CCND2: variants seen among roughly 807,000 people sequenced by gnomAD.
The protein encoded by CCND2 is G1/S-specific cyclin-D2.
In CCND2, 6 loss-of-function variants were observed where a neutral mutation model predicts 30.2. The observed-to-expected ratio is 0.20, with a 90% CI of 0.11 to 0.39. The LOEUF (loss-of-function observed/expected upper bound fraction) is 0.39. Among genes scored for constraint, CCND2 ranks in the 10% least tolerant of loss-of-function variants. The pLI, the probability that CCND2 is intolerant of heterozygous loss-of-function variation, is 1.00. For synonymous variants in CCND2, 150 were observed against 153.1 expected, an observed-to-expected ratio of 0.98 and a Z score of 0.15; for missense variants, 235 against 373.4, an observed-to-expected ratio of 0.63 and a Z score of 3.06.
Position 4,282,214 on chromosome 12 carries a change from C to T in CCND2, c.571+3295C>T, listed in dbSNP as rs938326402. 2.6e-5 allele frequency among the ~76,000 whole-genome samples: 4 copies of T among 152,140 alleles called. No homozygotes were observed. The highest frequency in any genetic ancestry group is 5.9e-5 in the Non-Finnish European group (4 of 68,018). On this transcript the variant is annotated intron_variant, in intron 3 of 4. Coordinates refer to ENST00000261254, the MANE Select transcript of CCND2 (RefSeq NM_001759.4). This position sits in a 1 kb window ranked among gnomAD's most constrained non-coding sequence, Gnocchi z 4.3. ...AGCAGAGCCAATGGCATTGAGTTTA[C>T]ACCTGGCACCGGGTAGGGGGAGGTG...
intron 3 of CCND2, among the ~76,000 whole-genome samples, chr12:4,283,831 A>G (rs1036987686): frequency 6.6e-6 from 1 of 152,168 alleles, no homozygotes; most frequent in Non-Finnish European, 1.5e-5. Flanking sequence ...AGAGTTGCCA[A>G]CTTCTCTCTT....
At position 4,302,823 on chromosome 12, in the gene CCND2, A is replaced by G. The variant is rs1864269646; in HGVS notation, c.*2814A>G. 8.6e-6 allele frequency: 2 copies of G among 233,332 alleles called. No individual in the cohort carries two copies. Among genetic ancestry groups the G allele is most frequent in the African/African-American group, 4.4e-5 (2 of 45,484 alleles). The allele number at this position is 233,332 out of a possible 1,614,324, so 14.5% of individuals were successfully genotyped here. On this transcript the variant is annotated 3_prime_UTR_variant, in exon 5 of 5. Transcript: ENST00000261254. ...AGGGTTCAGGACTTTGTGAGTTAGCATGACCCTAAAATTCTAGGGGATTTC... is the reference window on the plus strand; with the variant it reads ...AGGGTTCAGGACTTTGTGAGTTAGCGTGACCCTAAAATTCTAGGGGATTTC...
At chr12:4,278,979 G>A (rs1364241417) in intron 3 of CCND2, 60 bp downstream of exon 3, 6 of 1,544,184 alleles carry the variant, frequency 3.9e-6, no homozygotes, top group Non-Finnish European at 4.4e-6. Context: ...GATGTCCGGG[G>A]AGAGGCAAAA....
At chr12:4,294,837 G>A (rs1218616413) in intron 4 of CCND2, among the ~76,000 whole-genome samples, 2 of 152,214 alleles carry the variant, frequency 1.3e-5, no homozygotes, top group Non-Finnish European at 2.9e-5. Flanking sequence ...CCCTTTGGAA[G>A]CACTAACTCC....
intron 3 of CCND2, among the ~76,000 whole-genome samples, chr12:4,284,049 C>T (rs1863988481): frequency 6.6e-6 from 1 of 152,186 alleles, no homozygotes; most frequent in Non-Finnish European, 1.5e-5. Context: ...TGCCTGCAAT[C>T]CAGGGATGCT....
rs1010007973 is a variant in CCND2, at chr12:4,302,953, A to G, written c.*2944A>G. The G allele has an allele frequency of 2.1e-5, 5 of 233,046 alleles. No homozygotes were observed. The highest frequency in any genetic ancestry group is 4.2e-5 in the Non-Finnish European group (5 of 118,062). The allele number at this position is 233,046 out of a possible 1,614,324, so 14.4% of individuals were successfully genotyped here. The stretch of plus-strand genomic sequence containing the variant: ...CTCAAGAGCCAGCTTTGCTCAGCAC[A>G]CTCTCCTGGGCCCCAAGGAGTCCCA... On this transcript the variant is annotated 3_prime_UTR_variant, in exon 5 of 5. Coordinates refer to ENST00000261254, the MANE Select transcript of CCND2 (RefSeq NM_001759.4).
rs1409953807 is a variant in CCND2, at chr12:4,303,040, A to C, written c.*3031A>C. 2.6e-5 allele frequency: 6 copies of C among 233,214 alleles called. No individual in the cohort carries two copies. Among genetic ancestry groups the C allele is most frequent in the African/African-American group, 1.1e-4 (5 of 45,346 alleles). The allele number at this position is 233,214 out of a possible 1,614,324, so 14.4% of individuals were successfully genotyped here. A position where few individuals can be genotyped will look rare whatever the true frequency, so the allele number is the denominator to read the frequency against. On this transcript the variant is annotated 3_prime_UTR_variant, in exon 5 of 5. Transcript: ENST00000261254. The surrounding 1 kb of genome is among the most constrained non-coding windows in gnomAD (Gnocchi z 4.6). ...AATCTTGGAGCCTAAAGAGAAACCG[A>C]GGTGCAAATTCATTTCATGGTGACT...
chr12:4,285,301 C>A lies in CCND2; in HGVS notation c.572-3541C>A, dbSNP rs759805689. 5.1e-6 allele frequency: 5 copies of A among 985,320 alleles called. No homozygotes were observed. The highest frequency in any genetic ancestry group is 6.0e-6 in the Non-Finnish European group (5 of 829,956). 61.0% of individuals were successfully genotyped at this position (985,320 alleles called of 1,614,324 possible). On this transcript the variant is annotated intron_variant, in intron 3 of 4. Transcript: ENST00000261254. The surrounding 1 kb of genome is among the most constrained non-coding windows in gnomAD (Gnocchi z 4.1). ...AGGAAGGATCTCAGGAAGTCACCAG[C>A]ATCTCACCTCTCCAGGTGGGCAATT...
chr12:4,291,056 T>C (rs1389010373), intron 4 of CCND2, among the ~76,000 whole-genome samples: 2 of 151,952 alleles, frequency 1.3e-5, no homozygotes, highest in Non-Finnish European at 2.9e-5. Context: ...AAACCAAGAG[T>C]GAACGCGGTG....
At chr12:4,275,658 C>A (rs1773065419) in intron 1 of CCND2, among the ~76,000 whole-genome samples, 1 of 151,538 alleles carries the variant, frequency 6.6e-6, no homozygotes, top group Non-Finnish European at 1.5e-5. Context: ...ATGACGAAAT[C>A]CAAAAAAGAG....
intron 4 of CCND2, among the ~76,000 whole-genome samples, chr12:4,292,891 C>T (rs556326617): frequency 6.6e-6 from 1 of 152,246 alleles, no homozygotes; most frequent in Admixed American, 6.5e-5. Flanking sequence ...ATCCCCTCTG[C>T]ACACTAGTCG....
At position 4,287,758 on chromosome 12, in the gene CCND2, T is replaced by C. The variant is rs1864043550; in HGVS notation, c.572-1084T>C. Among the ~76,000 whole-genome samples, 1 of 152,220 alleles carries C rather than the reference T, an allele frequency of 6.6e-6. No individual in the cohort carries two copies. Among genetic ancestry groups the C allele is most frequent in the Non-Finnish European group, 1.5e-5 (1 of 68,040 alleles). On this transcript the variant is annotated intron_variant, in intron 3 of 4. Coordinates refer to ENST00000261254, the MANE Select transcript of CCND2 (RefSeq NM_001759.4). The surrounding 1 kb of genome is among the most constrained non-coding windows in gnomAD (Gnocchi z 4.0). ...GTAGCGTACTGCATGTGGTGGTCAT[T>C]GGTAGCTGTCAGCAGCTGTAACAGG... is the stretch of plus-strand genomic sequence containing the variant.
chr12:4,277,670 A>G (rs947323798), intron 2 of CCND2, among the ~76,000 whole-genome samples: 1 of 152,124 alleles, frequency 6.6e-6, no homozygotes, highest in Non-Finnish European at 1.5e-5. Flanking sequence ...TACAAATGAG[A>G]AGGCTGAGGC....
Position 4,281,195 on chromosome 12 carries a change from C to T in CCND2, c.571+2276C>T, listed in dbSNP as rs532555587. On this transcript the variant is annotated intron_variant, in intron 3 of 4. Coordinates refer to ENST00000261254, the MANE Select transcript of CCND2 (RefSeq NM_001759.4). Reference sequence around the variant, plus strand: ...ACAGGGCAGAGCACAGGTAGGTCCTCGGCAGTTTCCTGGGTCTGGAAAGGA... The same window carrying T: ...ACAGGGCAGAGCACAGGTAGGTCCTTGGCAGTTTCCTGGGTCTGGAAAGGA... 2.6e-5 allele frequency among the ~76,000 whole-genome samples: 4 copies of T among 152,310 alleles called. No individual in the cohort carries two copies. In the East Asian group the frequency reaches 5.8e-4, roughly 22 times the overall value.
At position 4,279,723 on chromosome 12, in the gene CCND2, GT is replaced by G. The variant is rs74894572; in HGVS notation, c.571+815del. 2.0e-4 allele frequency among the ~76,000 whole-genome samples: 29 copies of G among 144,500 alleles called. 1 individual carries two copies. Among genetic ancestry groups the G allele is most frequent in the Non-Finnish European group, 3.4e-4 (22 of 65,624 alleles). 94.8% of individuals were successfully genotyped at this position (144,500 alleles called of 152,430 possible). On this transcript the variant is annotated intron_variant, in intron 3 of 4. Transcript: ENST00000261254. ...CTTGGCCAGTGTCTACTGGTTTTTT[GT>G]TTTTTTTTTTCTTGGTAGTGGCCAT...
chr12:4,298,892 G>C (rs1864210060), intron 4 of CCND2, among the ~76,000 whole-genome samples: 1 of 152,132 alleles, frequency 6.6e-6, no homozygotes, highest in Admixed American at 6.5e-5. Flanking sequence ...GCCTGGGGCA[G>C]ACACACTGTC....
At position 4,282,166 on chromosome 12, in the gene CCND2, C is replaced by T. The variant is rs3217824; in HGVS notation, c.571+3247C>T. Among the ~76,000 whole-genome samples the T allele has an allele frequency of 0.013, 1,942 of 152,218 alleles. 60 individuals are homozygous for T. Among genetic ancestry groups the T allele is most frequent in the African/African-American group, 0.045 (1,862 of 41,500 alleles). On this transcript the variant is annotated intron_variant, in intron 3 of 4. Coordinates refer to ENST00000261254, the MANE Select transcript of CCND2 (RefSeq NM_001759.4). The surrounding 1 kb of genome is among the most constrained non-coding windows in gnomAD (Gnocchi z 4.3). ...GATTGTTGAGATGTGATACCATGCT[C>T]GGTGGATGATTCCAGTTAGTCTAGC...
In CCND2 at chr12:4,304,350, A is replaced by G. The variant is rs1323607929; in HGVS notation, c.*4341A>G. ...TGAGAATAGCTTTAAAAGGGAAATTAATGCTGAGATGATAAAGTCCCCTTA... is the reference window on the plus strand; with the variant it reads ...TGAGAATAGCTTTAAAAGGGAAATTGATGCTGAGATGATAAAGTCCCCTTA... On this transcript the variant is annotated 3_prime_UTR_variant, in exon 5 of 5. Transcript: ENST00000261254. The surrounding 1 kb of genome is among the most constrained non-coding windows in gnomAD (Gnocchi z 6.2). The G allele has an allele frequency of 8.6e-6, 2 of 233,524 alleles. No individual in the cohort carries two copies. The highest frequency in any genetic ancestry group is 1.2e-4 in the East Asian group (2 of 16,592). The allele number at this position is 233,524 out of a possible 1,614,324, so 14.5% of individuals were successfully genotyped here. A position where few individuals can be genotyped will look rare whatever the true frequency, so the allele number is the denominator to read the frequency against.
At chr12:4,284,470 G>A (rs1289457088) in intron 3 of CCND2, among the ~76,000 whole-genome samples, 1 of 152,188 alleles carries the variant, frequency 6.6e-6, no homozygotes, top group African/African-American at 2.4e-5. Context: ...TAGGCCCTGG[G>A]ACGGCCTCTG....
Sources: allele counts gnomAD v4.1 joint callset (sites outside exome capture counted in the v4.1 genomes callset), GRCh38; gene constraint gnomAD v4.1.1; non-coding constraint Gnocchi (gnomAD v3.1); transcripts MANE v1.5; gene names NCBI Gene and HGNC (gene_info 2026-07-23, HGNC 2026-07-21).